Variants in SMAP1 observed in about 807,000 individuals in gnomAD.
SMAP1 encodes stromal membrane-associated protein 1.
SMAP1 carries 24 observed loss-of-function variants against 58.5 expected under a neutral mutation model. That is an observed-to-expected ratio of 0.41 (90% CI 0.30 to 0.58). The LOEUF (loss-of-function observed/expected upper bound fraction) is 0.58, where lower values mean the gene tolerates loss of function less well. Ranked by LOEUF, SMAP1 falls within the 20% of genes least tolerant of loss-of-function variation. The probability of loss-of-function intolerance (pLI) is 0.29; values close to 1 mark genes in which losing one functional copy is unlikely to be tolerated. For synonymous variants in SMAP1, 216 were observed against 196.6 expected, an observed-to-expected ratio of 1.10 and a Z score of -0.82; for missense variants, 563 against 566.3, an observed-to-expected ratio of 0.99 and a Z score of 0.06.
chr6:70,861,954 A>ATT lies in SMAP1; in HGVS notation c.*1621_*1622insTT, dbSNP rs1554211788. 5 of 1,613,472 alleles carry ATT rather than the reference A, an allele frequency of 3.1e-6. No homozygotes were observed. The Admixed American group carries it at 5.0e-5, about 16-fold the overall frequency. The stretch of plus-strand genomic sequence containing the variant: ...AAATACAGCTTTTGGATTGGACAAA[A>ATT]TGACTTGAAGACTTACAGCAAATCC... On this transcript the variant is annotated 3_prime_UTR_variant, in exon 11 of 11. Coordinates refer to ENST00000370455, the MANE Select transcript of SMAP1 (RefSeq NM_001044305.3).
chr6:70,668,219 C>G, intron 1 of SMAP1, 78 bp downstream of exon 1: 1 of 1,295,616 alleles, frequency 7.7e-7, no homozygotes, highest in Non-Finnish European at 1.1e-6. Flanking sequence ...GCGCTCGGGG[C>G]CCGAGCGGAC....
intron 4 of SMAP1, among the ~76,000 whole-genome samples, chr6:70,778,329 G>A (rs764716266): frequency 2.0e-5 from 3 of 152,178 alleles, no homozygotes; most frequent in Non-Finnish European, 2.9e-5. Context: ...CATTCATTAT[G>A]ATGTTAGCTG....
intron 3 of SMAP1, among the ~76,000 whole-genome samples, chr6:70,767,195 T>G (rs1767029474): frequency 1.3e-5 from 2 of 152,026 alleles, no homozygotes; most frequent in African/African-American, 2.4e-5. Context: ...CCTCCAGCTT[T>G]GTTCTTTTGG....
At position 70,847,892 on chromosome 6, in the gene SMAP1, A is replaced by AGT. The variant is rs373993407; in HGVS notation, c.665-4633_665-4632dup. On this transcript the variant is annotated intron_variant, in intron 7 of 10. Transcript: ENST00000370455. The stretch of plus-strand genomic sequence containing the variant: ...ATGTTCTCTCTCCCCTGAAAGAGGA[A>AGT]GTGTGTGTGTGTGTGTTTGTGTGAC... Among the ~76,000 whole-genome samples the AGT allele has an allele frequency of 2.4e-3, 360 of 151,598 alleles. 4 individuals are homozygous for AGT. The highest frequency in any genetic ancestry group is 7.5e-3 in the East Asian group (39 of 5,166).
chr6:70,743,281 A>G (rs1219034066), intron 2 of SMAP1, among the ~76,000 whole-genome samples: 1 of 152,058 alleles, frequency 6.6e-6, no homozygotes, highest in Non-Finnish European at 1.5e-5. Context: ...GGCATTTTGA[A>G]GTTTGTGGGG....
intron 7 of SMAP1, among the ~76,000 whole-genome samples, chr6:70,847,249 A>AAG (rs1469825689): frequency 4.6e-5 from 7 of 152,114 alleles, no homozygotes. Flanking sequence ...TCATATTTGA[A>AAG]ATGTTACCTC....
chr6:70,823,066 A>G (rs959125442), intron 6 of SMAP1, among the ~76,000 whole-genome samples: 8 of 152,202 alleles, frequency 5.3e-5, no homozygotes, highest in Non-Finnish European at 4.4e-5. Flanking sequence ...CCCTTAGCAT[A>G]CTAATGATAG....
At chr6:70,823,845 T>G (rs1320020707) in intron 6 of SMAP1, among the ~76,000 whole-genome samples, 5 of 151,988 alleles carry the variant, frequency 3.3e-5, no homozygotes, top group Non-Finnish European at 7.4e-5. Context: ...CCAACCGTAG[T>G]TATTTTTCAG....
chr6:70,679,020 GTTTT>G (rs531088508), intron 1 of SMAP1, among the ~76,000 whole-genome samples: 1 of 137,178 alleles, frequency 7.3e-6, no homozygotes, highest in Admixed American at 7.3e-5. Context: ...TAGATTTTTT[GTTTT>G]TTTTTTTTTG....
chr6:70,753,284 A>G (rs886760859), intron 2 of SMAP1, among the ~76,000 whole-genome samples: 16 of 152,262 alleles, frequency 1.1e-4, no homozygotes, highest in Middle Eastern at 6.8e-3. Context: ...AGCATTTTTA[A>G]TCTTAACTTT....
chr6:70,736,525 A>G (rs1452613600), intron 2 of SMAP1, among the ~76,000 whole-genome samples: 1 of 152,212 alleles, frequency 6.6e-6, no homozygotes, highest in Non-Finnish European at 1.5e-5. Context: ...GATTTATGAA[A>G]TTGTTTCAGT....
At chr6:70,701,883 G>C (rs1243014235) in intron 1 of SMAP1, among the ~76,000 whole-genome samples, 1 of 152,092 alleles carries the variant, frequency 6.6e-6, no homozygotes, top group Non-Finnish European at 1.5e-5. Flanking sequence ...TTCCTGCAGG[G>C]GAGATGATTA....
intron 3 of SMAP1, among the ~76,000 whole-genome samples, chr6:70,771,076 C>G (rs910884773): frequency 9.2e-5 from 14 of 152,178 alleles, no homozygotes; most frequent in African/African-American, 3.1e-4. Flanking sequence ...TTTTCGTGAA[C>G]CATGAATGCT....
chr6:70,836,985 C>A lies in SMAP1; in HGVS notation c.621C>A (p.Ser207Arg). ...DQQLEPKKSTSPKKAAEPTVD... is the reference protein window; with the variant it reads ...DQQLEPKKSTRPKKAAEPTVD... ...AACTGGAGCCTAAAAAAAGTACCAG[C>A]CCTAAAAAAGCTGCGGAGCCCACTG... Residue 207 changes from serine (S) to arginine (R), a missense_variant, in exon 7 of 11, where the codon AGC (serine) becomes AGA (arginine). Transcript: ENST00000370455. 6.2e-7 allele frequency: 1 copy of A among 1,603,556 alleles called. No individual in the cohort carries two copies. Among genetic ancestry groups the A allele is most frequent in the Non-Finnish European group, 8.5e-7 (1 of 1,175,350 alleles).
intron 1 of SMAP1, among the ~76,000 whole-genome samples, chr6:70,670,905 A>G (rs1358078210): frequency 6.6e-6 from 1 of 152,236 alleles, no homozygotes; most frequent in African/African-American, 2.4e-5. Context: ...TTAGGAAGCA[A>G]CGAAGGAGAA....
chr6:70,701,355 C>A (rs535561552), intron 1 of SMAP1, among the ~76,000 whole-genome samples: 2 of 152,294 alleles, frequency 1.3e-5, no homozygotes, highest in South Asian at 2.1e-4. Flanking sequence ...CATGAGCCAC[C>A]ATGCCTGGCC....
chr6:70,814,223 C>A (rs139384895), intron 6 of SMAP1, among the ~76,000 whole-genome samples: 1 of 152,160 alleles, frequency 6.6e-6, no homozygotes, highest in Non-Finnish European at 1.5e-5. Context: ...ACTGACCCAT[C>A]ATTTGACATT....
chr6:70,699,299 T>C (rs925744413), intron 1 of SMAP1, among the ~76,000 whole-genome samples: 5 of 152,094 alleles, frequency 3.3e-5, no homozygotes, highest in Non-Finnish European at 4.4e-5. Context: ...GAGGGAGGGA[T>C]GAAACAAGTA....
chr6:70,684,829 T>C (rs1766867304), intron 1 of SMAP1, among the ~76,000 whole-genome samples: 1 of 152,208 alleles, frequency 6.6e-6, no homozygotes. Context: ...ACTGCTCTTC[T>C]CTTCTCTTTT....
Sources: allele counts gnomAD v4.1 joint callset (sites outside exome capture counted in the v4.1 genomes callset), GRCh38; gene constraint gnomAD v4.1.1; transcripts MANE v1.5; gene names NCBI Gene and HGNC (gene_info 2026-07-23, HGNC 2026-07-21).